Variants in FOXN3 observed in about 807,000 individuals in gnomAD.
FOXN3 encodes the protein forkhead box N3, also known as forkhead box protein N3.
FOXN3 carries 7 observed loss-of-function variants against 38.4 expected under a neutral mutation model. The observed-to-expected ratio is 0.18, with a 90% confidence interval of 0.10 to 0.34. The LOEUF (loss-of-function observed/expected upper bound fraction) is 0.34, where lower values mean the gene tolerates loss of function less well. Ranked by LOEUF, FOXN3 falls within the 10% of genes least tolerant of loss-of-function variation. The probability of loss-of-function intolerance (pLI) is 1.00; values close to 1 mark genes in which losing one functional copy is unlikely to be tolerated. For missense variants in FOXN3, 456 were observed against 613.4 expected, an observed-to-expected ratio of 0.74 and a Z score of 2.71; for synonymous variants, 230 against 242.2, an observed-to-expected ratio of 0.95 and a Z score of 0.47.
chr14:89,511,181 C>CTTTCT (rs1555358060), intron 1 of FOXN3, among the ~76,000 whole-genome samples: 2 of 35,158 alleles, frequency 5.7e-5, no homozygotes, highest in Non-Finnish European at 1.9e-4. Context: ...TTCTTTCTTT[C>CTTTCT]TTTCTTTCTT....
At chr14:89,185,712 C>A (rs1325937964) in intron 4 of FOXN3, 1 of 152,252 alleles carries the variant, frequency 6.6e-6, no homozygotes, top group Non-Finnish European at 1.5e-5. Context: ...AGAATACCCA[C>A]CCCTGAGGCT....
At chr14:89,582,416 A>C (rs1429023715) in intron 1 of FOXN3, among the ~76,000 whole-genome samples, 1 of 152,200 alleles carries the variant, frequency 6.6e-6, no homozygotes, top group Admixed American at 6.5e-5. Flanking sequence ...GAATAGAGGA[A>C]TAGCCAACTG....
intron 1 of FOXN3, among the ~76,000 whole-genome samples, chr14:89,467,448 T>C (rs1270287817): frequency 6.6e-6 from 1 of 152,164 alleles, no homozygotes; most frequent in African/African-American, 2.4e-5. Context: ...ATGACATATT[T>C]TTTAAATGCC....
At chr14:89,480,475 A>G (rs1893304182) in intron 1 of FOXN3, among the ~76,000 whole-genome samples, 1 of 151,988 alleles carries the variant, frequency 6.6e-6, no homozygotes, top group African/African-American at 2.4e-5. Flanking sequence ...TTTACACCCT[A>G]TAACCTGGCC....
intron 3 of FOXN3, among the ~76,000 whole-genome samples, chr14:89,348,708 T>C (rs1888851392): frequency 6.6e-6 from 1 of 151,776 alleles, no homozygotes; most frequent in South Asian, 2.1e-4. Flanking sequence ...GGTGACGGAG[T>C]GGGGTCTGAA....
intron 1 of FOXN3, among the ~76,000 whole-genome samples, chr14:89,520,542 A>T (rs187309289): frequency 1.3e-5 from 2 of 152,354 alleles, no homozygotes; most frequent in East Asian, 3.9e-4. Flanking sequence ...AACTGCTGAA[A>T]TCTGGCTATA....
intron 2 of FOXN3, chr14:89,401,615 T>G (rs1444807873): frequency 2.2e-6 from 1 of 455,980 alleles, no homozygotes; most frequent in Non-Finnish European, 4.4e-6. Context: ...GATTCGGGAC[T>G]TTTCTTCCCC....
At chr14:89,487,167 C>A (rs1443054545) in intron 1 of FOXN3, among the ~76,000 whole-genome samples, 2 of 152,204 alleles carry the variant, frequency 1.3e-5, no homozygotes, top group Admixed American at 1.3e-4. Flanking sequence ...CTACTCCTCA[C>A]TAAATGGGCT....
At chr14:89,249,829 C>T (rs1008262792) in intron 4 of FOXN3, among the ~76,000 whole-genome samples, 41 of 152,114 alleles carry the variant, frequency 2.7e-4, no homozygotes, top group African/African-American at 9.2e-4. Flanking sequence ...CCATCTGTTT[C>T]GCATGGCTTG....
intron 1 of FOXN3, among the ~76,000 whole-genome samples, chr14:89,422,308 T>C (rs980818403): frequency 3.9e-5 from 6 of 152,094 alleles, no homozygotes; most frequent in South Asian, 2.1e-4. Context: ...GAGTTTCTGG[T>C]TGGGGAGGTG....
intron 3 of FOXN3, among the ~76,000 whole-genome samples, chr14:89,298,472 TAAAAAAAAAAAA>T (rs55856005): frequency 8.1e-6 from 1 of 123,588 alleles, no homozygotes; most frequent in Non-Finnish European, 1.7e-5. Context: ...TCCGTCTATT[TAAAAAAAAAAAA>T]AAAAAAAAGG....
intron 2 of FOXN3, among the ~76,000 whole-genome samples, chr14:89,371,575 C>A (rs565443907): frequency 6.6e-6 from 1 of 151,842 alleles, no homozygotes; most frequent in Non-Finnish European, 1.5e-5. Flanking sequence ...ATATTATGTA[C>A]GTGTGCTGGA....
chr14:89,407,053 T>TCA (rs1202618451), intron 2 of FOXN3, among the ~76,000 whole-genome samples: 2 of 149,740 alleles, frequency 1.3e-5, no homozygotes, highest in Non-Finnish European at 3.0e-5. Flanking sequence ...AACAGTGACC[T>TCA]CATGTGAACC....
At chr14:89,388,910 A>T (rs929548273) in intron 2 of FOXN3, among the ~76,000 whole-genome samples, 1 of 152,078 alleles carries the variant, frequency 6.6e-6, no homozygotes, top group Non-Finnish European at 1.5e-5. Flanking sequence ...CCGCACTGTG[A>T]CACCAGGCAG....
chr14:89,266,121 A>T (rs1885971839), intron 4 of FOXN3, among the ~76,000 whole-genome samples: 1 of 152,242 alleles, frequency 6.6e-6, no homozygotes, highest in African/African-American at 2.4e-5. Flanking sequence ...AAATATATTA[A>T]GTCAGTTCAG....
At chr14:89,605,825 T>G (rs1290601020) in intron 1 of FOXN3, among the ~76,000 whole-genome samples, 1 of 151,966 alleles carries the variant, frequency 6.6e-6, no homozygotes, top group Non-Finnish European at 1.5e-5. Flanking sequence ...AAACAGAAAT[T>G]AAAAAGAGGC....
intron 4 of FOXN3, among the ~76,000 whole-genome samples, chr14:89,257,804 C>A (rs1399121209): frequency 1.3e-5 from 2 of 152,124 alleles, no homozygotes; most frequent in Non-Finnish European, 2.9e-5. Flanking sequence ...CATTTAAGGT[C>A]TTGGTGTGAG....
Position 89,234,187 on chromosome 14 carries a change from C to T in FOXN3, c.745+46763G>A, listed in dbSNP as rs184473586. On this transcript the variant is annotated intron_variant, in intron 4 of 5. Transcript: ENST00000557258. ...TAGTACAGGGGTATTTCGTGTACTA[C>T]GTGTATTAGTTCTAGGGCCACTGCA... Among the ~76,000 whole-genome samples, 8 of 152,320 alleles carry T rather than the reference C, an allele frequency of 5.3e-5. No individual in the cohort carries two copies. In the South Asian group the frequency reaches 8.3e-4, roughly 16 times the overall value.
At chr14:89,196,319 G>C (rs1207150955) in intron 4 of FOXN3, among the ~76,000 whole-genome samples, 1 of 152,174 alleles carries the variant, frequency 6.6e-6, no homozygotes, top group African/African-American at 2.4e-5. Flanking sequence ...GGTTCCATGG[G>C]TTGTGGAAGA....
Sources: allele counts gnomAD v4.1 joint callset (sites outside exome capture counted in the v4.1 genomes callset), GRCh38; gene constraint gnomAD v4.1.1; transcripts MANE v1.5; gene names NCBI Gene and HGNC (gene_info 2026-07-23, HGNC 2026-07-21).